Variants in PIAS2 observed in about 807,000 individuals in gnomAD.
PIAS2 encodes protein inhibitor of activated STAT 2.
A neutral mutation model predicts 69.7 loss-of-function variants in PIAS2; 19 were observed. That is an observed-to-expected ratio of 0.27 (90% CI 0.19 to 0.40). The LOEUF is 0.40. Ranked by LOEUF, PIAS2 falls within the 10% of genes least tolerant of loss-of-function variation. The probability of loss-of-function intolerance (pLI) is 1.00; values close to 1 mark genes in which losing one functional copy is unlikely to be tolerated. For missense variants in PIAS2, 624 were observed against 757.0 expected, an observed-to-expected ratio of 0.82 and a Z score of 2.06; for synonymous variants, 261 against 263.2, an observed-to-expected ratio of 0.99 and a Z score of 0.08.
intron 13 of PIAS2, among the ~76,000 whole-genome samples, chr18:46,814,313 C>T (rs1405759850): frequency 6.6e-6 from 1 of 152,152 alleles, no homozygotes; most frequent in Non-Finnish European, 1.5e-5. Flanking sequence ...ATATACAAAA[C>T]AGAGCTATGA....
intron 1 of PIAS2, among the ~76,000 whole-genome samples, chr18:46,908,389 T>C (rs1222173448): frequency 1.3e-5 from 2 of 152,064 alleles, no homozygotes; most frequent in Non-Finnish European, 2.9e-5. Context: ...CACAGATGAG[T>C]GATGGCATCC....
chr18:46,816,309 A>G, intron 12 of PIAS2: 1 of 952,266 alleles, frequency 1.1e-6, no homozygotes, highest in Non-Finnish European at 1.3e-6. Flanking sequence ...ACTAACCAGT[A>G]TGAATTTATA....
At chr18:46,825,257 T>C (rs1054081811) in intron 11 of PIAS2, among the ~76,000 whole-genome samples, 8 of 152,114 alleles carry the variant, frequency 5.3e-5, no homozygotes, top group Non-Finnish European at 8.8e-5. Flanking sequence ...ACAGAGATGA[T>C]ATAACTATAG....
intron 1 of PIAS2, among the ~76,000 whole-genome samples, chr18:46,895,922 T>C (rs2054791036): frequency 1.3e-5 from 2 of 152,030 alleles, no homozygotes; most frequent in Admixed American, 1.3e-4. Context: ...ACTAATGGGT[T>C]TCTCCCTTAC....
intron 3 of PIAS2, 64 bp from the exon 4 acceptor site, chr18:46,855,679 C>A: frequency 8.0e-7 from 1 of 1,249,098 alleles, no homozygotes; most frequent in Non-Finnish European, 1.2e-6. Context: ...ACAGTCTCCC[C>A]AGGAGGAAAA....
intron 2 of PIAS2, among the ~76,000 whole-genome samples, chr18:46,877,716 G>A (rs762141567): frequency 2.0e-5 from 3 of 152,146 alleles, no homozygotes; most frequent in Non-Finnish European, 4.4e-5. Flanking sequence ...GAATAACCGC[G>A]TTAGGGATAA....
chr18:46,890,223 A>G (rs1441729920), intron 2 of PIAS2, among the ~76,000 whole-genome samples: 5 of 152,198 alleles, frequency 3.3e-5, no homozygotes, highest in Admixed American at 3.3e-4. Flanking sequence ...ATGGGTACAG[A>G]GTTTCAGCTT....
intron 11 of PIAS2, among the ~76,000 whole-genome samples, chr18:46,825,988 T>G (rs1485969480): frequency 6.6e-6 from 1 of 152,212 alleles, no homozygotes; most frequent in East Asian, 1.9e-4. Context: ...CATTTATCTT[T>G]CTATGTGAGT....
rs924555238 is a variant in PIAS2, at chr18:46,809,894, G to C, written c.*2539C>G. 6.6e-6 allele frequency: 1 copy of C among 152,094 alleles called. No individual in the cohort carries two copies. Among genetic ancestry groups the C allele is most frequent in the African/African-American group, 2.4e-5 (1 of 41,396 alleles). The allele number at this position is 152,094 out of a possible 1,614,324, so 9.4% of individuals were successfully genotyped here. Reference sequence around the variant, plus strand: ...CCCCTCTGAAACTCCCTTATATTTGGTTAAGCAGAAATCTGGGCTAGCAAA... The same window carrying C: ...CCCCTCTGAAACTCCCTTATATTTGCTTAAGCAGAAATCTGGGCTAGCAAA... On this transcript the variant is annotated 3_prime_UTR_variant, in exon 14 of 14. Transcript: ENST00000585916.
intron 1 of PIAS2, 38 bp downstream of exon 1, chr18:46,917,284 C>T: frequency 6.9e-7 from 1 of 1,457,548 alleles, no homozygotes; most frequent in Non-Finnish European, 9.1e-7. Flanking sequence ...CCTCTCCCAT[C>T]CCCTCCCCCG....
intron 8 of PIAS2, among the ~76,000 whole-genome samples, chr18:46,839,934 G>A (rs1245723425): frequency 1.3e-5 from 2 of 151,338 alleles, no homozygotes; most frequent in Admixed American, 6.6e-5. Flanking sequence ...AAGCCGAGGC[G>A]GGGGAATCAC....
At chr18:46,865,033 T>C (rs946435600) in intron 2 of PIAS2, among the ~76,000 whole-genome samples, 29 of 152,196 alleles carry the variant, frequency 1.9e-4, no homozygotes, top group African/African-American at 4.6e-4. Flanking sequence ...AATTTGCATA[T>C]GAAAGTCTTC....
At chr18:46,907,285 CA>C (rs2056734030) in intron 1 of PIAS2, among the ~76,000 whole-genome samples, 1 of 152,130 alleles carries the variant, frequency 6.6e-6, no homozygotes, top group African/African-American at 2.4e-5. Context: ...AGCCACTTTA[CA>C]AAAGAAACCC....
upstream of PIAS2, among the ~76,000 whole-genome samples, chr18:46,918,519 A>G (rs982960598): frequency 6.6e-6 from 1 of 151,932 alleles, no homozygotes; most frequent in Admixed American, 6.6e-5. Context: ...CAATGGCACG[A>G]TCTCGGCTCA....
At chr18:46,856,007 T>TG (rs1306089862) in intron 3 of PIAS2, among the ~76,000 whole-genome samples, 10 of 118,894 alleles carry the variant, frequency 8.4e-5, no homozygotes, top group Non-Finnish European at 1.5e-4. Context: ...GTTTTTTTTT[T>TG]TTTTTTTTTT....
At chr18:46,890,332 A>G (rs1318359868) in intron 2 of PIAS2, among the ~76,000 whole-genome samples, 1 of 152,240 alleles carries the variant, frequency 6.6e-6, no homozygotes, top group African/African-American at 2.4e-5. Context: ...AAAATGATCA[A>G]GATGATACAT....
chr18:46,897,091 G>C (rs562311757), intron 1 of PIAS2, among the ~76,000 whole-genome samples: 1 of 152,148 alleles, frequency 6.6e-6, no homozygotes, highest in Non-Finnish European at 1.5e-5. Context: ...TCAAAAGTTT[G>C]CTTGAACAGG....
At chr18:46,882,443 G>A (rs1323945962) in intron 2 of PIAS2, among the ~76,000 whole-genome samples, 1 of 152,122 alleles carries the variant, frequency 6.6e-6, no homozygotes, top group Non-Finnish European at 1.5e-5. Context: ...CAATGCTGTG[G>A]AAGCTACTGT....
rs991122799 is a variant in PIAS2, at chr18:46,806,721, A to G, written c.*5712T>C. 6.6e-6 allele frequency: 1 copy of G among 152,140 alleles called. No homozygotes were observed. Among genetic ancestry groups the G allele is most frequent in the African/African-American group, 2.4e-5 (1 of 41,420 alleles). 9.4% of individuals were successfully genotyped at this position (152,140 alleles called of 1,614,324 possible). A position where few individuals can be genotyped will look rare whatever the true frequency, so the allele number is the denominator to read the frequency against. ...TGATGTCTGGAACCAAAACTTCTGTAACACTCTATTCCACGTGTACTTACA... is the reference window on the plus strand; with the variant it reads ...TGATGTCTGGAACCAAAACTTCTGTGACACTCTATTCCACGTGTACTTACA... On this transcript the variant is annotated 3_prime_UTR_variant, in exon 14 of 14. Coordinates refer to ENST00000585916, the MANE Select transcript of PIAS2 (RefSeq NM_004671.5).
Sources: gnomAD v4.1 joint callset for allele counts (sites outside exome capture counted in the v4.1 genomes callset) on GRCh38, gnomAD v4.1.1 for gene constraint, MANE v1.5 for transcripts, NCBI Gene and HGNC (gene_info 2026-07-23, HGNC 2026-07-21) for gene names.